RPN1: variants seen among roughly 807,000 people sequenced by gnomAD.
RPN1 encodes the protein dolichyl-diphosphooligosaccharide--protein glycosyltransferase subunit 1.
A neutral mutation model predicts 55.5 loss-of-function variants in RPN1; 12 were observed. The ratio of observed to expected loss-of-function variants is 0.22; its 90% CI spans 0.14 to 0.35. The LOEUF (loss-of-function observed/expected upper bound fraction) is 0.35. RPN1 is among the 10% of genes least tolerant of loss of function. RPN1 has a pLI of 1.00. For synonymous variants in RPN1, 317 were observed against 305.9 expected (o/e 1.04, Z -0.38); for missense variants, 679 against 761.3 (o/e 0.89, Z 1.27).
At chr3:128,639,215 G>C (rs1418496928) in intron 2 of RPN1, among the ~76,000 whole-genome samples, 1 of 152,164 alleles carries the variant, frequency 6.6e-6, no homozygotes, top group Non-Finnish European at 1.5e-5. Flanking sequence ...CACTTTGGGA[G>C]ACCGAGATGG....
Position 128,622,217 on chromosome 3 carries a change from T to C in RPN1, c.1588A>G (p.Ile530Val). ...ETEHKALTSE[I>V]ALLQSRLKTE... ...TTCAGCCTGGACTGCAGCAGTGCAA[T>C]CTCACTGGTCAAGGCCTTGTGTTCA... Residue 530 changes from isoleucine (I) to valine (V), a missense_variant, in exon 9 of 10, where the codon ATT becomes GTT. By Grantham distance (29) the Ile-to-Val change is conservative (BLOSUM62 3). This residue lies in a region of RPN1 where 306 missense variants were observed against 360.0 expected (regional missense o/e 0.85). Coordinates refer to ENST00000296255, the MANE Select transcript of RPN1 (RefSeq NM_002950.4). 6.2e-7 allele frequency: 1 copy of C among 1,614,178 alleles called. No individual in the cohort carries two copies. Among genetic ancestry groups the C allele is most frequent in the Non-Finnish European group, 8.5e-7 (1 of 1,179,978 alleles).
intron 1 of RPN1, among the ~76,000 whole-genome samples, chr3:128,645,831 T>C (rs1027510674): frequency 1.3e-5 from 2 of 151,712 alleles, no homozygotes; most frequent in South Asian, 2.1e-4. Context: ...AAAAAAGAAA[T>C]ACACACATAC....
intron 2 of RPN1, among the ~76,000 whole-genome samples, chr3:128,641,609 CTTTTTT>C (rs200507415): frequency 8.3e-6 from 1 of 120,396 alleles, no homozygotes; most frequent in African/African-American, 3.2e-5. Context: ...TTTAGTGAAT[CTTTTTT>C]TTTTTTTTTT....
At chr3:128,635,655 ATATATATATAGAT>A (rs2069674893) in intron 3 of RPN1, among the ~76,000 whole-genome samples, 1 of 57,230 alleles carries the variant, frequency 1.7e-5, no homozygotes, top group Non-Finnish European at 3.5e-5. Context: ...ATATATATAT[ATATATATATAGAT>A]ATCTATAGAT....
intron 2 of RPN1, among the ~76,000 whole-genome samples, chr3:128,643,101 C>G (rs937941822): frequency 2.0e-5 from 3 of 151,420 alleles, no homozygotes; most frequent in African/African-American, 7.3e-5. Context: ...CCAAGACGGG[C>G]AGATCACCTG....
chr3:128,621,763 A>G (rs1481712471), intron 9 of RPN1, among the ~76,000 whole-genome samples: 1 of 152,234 alleles, frequency 6.6e-6, no homozygotes. Flanking sequence ...ACTGAGGCAC[A>G]GAAGTTAGGT....
chr3:128,650,705 G>C lies in RPN1; in HGVS notation c.96C>G (p.Ile32Met). 1 of 1,568,940 alleles carries C rather than the reference G, an allele frequency of 6.4e-7. No individual in the cohort carries two copies. Among genetic ancestry groups the C allele is most frequent in the South Asian group, 1.2e-5 (1 of 85,572 alleles). The stretch of plus-strand genomic sequence containing the variant: ...CCACTGTGCGCTTCACGTCCTCATT[G>C]ATCAGCGGCGGTGCCTCGGAGGAGG... ...GSASSEAPPL[I>M]NEDVKRTVDL... is the part of the protein sequence containing the mutation. Residue 32 changes from isoleucine to methionine, a missense_variant, in exon 1 of 10, where the codon ATC becomes ATG. Physicochemically the swap from Ile to Met is conservative, Grantham distance 10. Around this residue, in one of 3 missense-constraint regions of RPN1, gnomAD observed 352 missense variants for 352.8 expected, o/e 1.00. Coordinates refer to ENST00000296255, the MANE Select transcript of RPN1 (RefSeq NM_002950.4).
rs1346533314 is a variant in RPN1 at position 128,620,028 on chromosome 3, A to AAC, written c.*382_*383insGT. ...TCACACACGCTTTAAAAAAAAAAAA[A>AAC]AAAACACATGCACTCACACAATACC... On this transcript the variant is annotated 3_prime_UTR_variant, in exon 10 of 10. Transcript: ENST00000296255. The AAC allele has an allele frequency of 4.4e-6, 1 of 225,808 alleles. No individual in the cohort carries two copies. Among genetic ancestry groups the AAC allele is most frequent in the Non-Finnish European group, 8.8e-6 (1 of 113,738 alleles). 14.0% of individuals were successfully genotyped at this position (225,808 alleles called of 1,614,324 possible). A position where few individuals can be genotyped will look rare whatever the true frequency, so the allele number is the denominator to read the frequency against.
rs1464413685 is a variant in RPN1, at chr3:128,650,806, G to A, written c.-6C>T. On this transcript the variant is annotated 5_prime_UTR_variant, in exon 1 of 10. Coordinates refer to ENST00000296255, the MANE Select transcript of RPN1 (RefSeq NM_002950.4). Reference sequence around the variant, plus strand: ...CCGGCGGCTGGCGCCTCCATGACCGGGAAGAGCAGTGCGCCAGGGCGGGTA... The same window carrying A: ...CCGGCGGCTGGCGCCTCCATGACCGAGAAGAGCAGTGCGCCAGGGCGGGTA... The A allele has an allele frequency of 1.3e-6, 2 of 1,518,670 alleles. No individual in the cohort carries two copies. The highest frequency in any genetic ancestry group is 1.8e-6 in the Non-Finnish European group (2 of 1,131,200). 94.1% of individuals were successfully genotyped at this position (1,518,670 alleles called of 1,614,324 possible).
chr3:128,649,960 T>C (rs1315824598), intron 1 of RPN1, among the ~76,000 whole-genome samples: 1 of 152,258 alleles, frequency 6.6e-6, no homozygotes, highest in Non-Finnish European at 1.5e-5. Context: ...AACTTAAAAA[T>C]GCGAAACCTG....
At chr3:128,638,285 G>A (rs985855038) in intron 2 of RPN1, among the ~76,000 whole-genome samples, 180 bp from the exon 3 acceptor site, 1 of 152,100 alleles carries the variant, frequency 6.6e-6, no homozygotes, top group African/African-American at 2.4e-5. Context: ...GCAATGGTGC[G>A]ATCTCGGCTC....
At chr3:128,639,455 GA>G (rs370062932) in intron 2 of RPN1, among the ~76,000 whole-genome samples, 2,158 of 81,736 alleles carry the variant, frequency 0.026, 54 homozygotes, top group African/African-American at 0.088. Context: ...ACCGTCTCAA[GA>G]AAAAAAAAAA....
intron 3 of RPN1, among the ~76,000 whole-genome samples, chr3:128,633,897 C>T (rs187074372): frequency 1.3e-5 from 2 of 152,070 alleles, no homozygotes; most frequent in African/African-American, 4.8e-5. Flanking sequence ...GTAGGAGAAT[C>T]GCTTGAACCC....
intron 9 of RPN1, among the ~76,000 whole-genome samples, chr3:128,621,669 C>T (rs964901905): frequency 1.3e-5 from 2 of 152,174 alleles, no homozygotes; most frequent in African/African-American, 4.8e-5. Flanking sequence ...GGACAGGGTT[C>T]TGAATATTTT....
intron 4 of RPN1, among the ~76,000 whole-genome samples, chr3:128,631,383 C>T (rs1266071114): frequency 2.0e-5 from 3 of 151,234 alleles, no homozygotes; most frequent in Non-Finnish European, 4.4e-5. Flanking sequence ...GAGGCTGAGG[C>T]GGGAGAATTG....
intron 8 of RPN1, among the ~76,000 whole-genome samples, chr3:128,624,746 G>A (rs1325774061): frequency 6.6e-6 from 1 of 151,752 alleles, no homozygotes; most frequent in Non-Finnish European, 1.5e-5. Flanking sequence ...GGCTGAGGCA[G>A]AATCGCTCGA....
At chr3:128,640,700 T>G (rs183752588) in intron 2 of RPN1, among the ~76,000 whole-genome samples, 146 of 152,332 alleles carry the variant, frequency 9.6e-4, no homozygotes, top group Non-Finnish European at 3.4e-4. Flanking sequence ...CATCTTCTGA[T>G]GCCTCACTCT....
At chr3:128,643,513 CT>C (rs2069743688) in intron 2 of RPN1, among the ~76,000 whole-genome samples, 2 of 151,572 alleles carry the variant, frequency 1.3e-5, no homozygotes, top group East Asian at 3.9e-4. Flanking sequence ...AAACACAAAA[CT>C]TGTGGGGCAC....
At chr3:128,648,268 G>A (rs180677563) in intron 1 of RPN1, among the ~76,000 whole-genome samples, 294 of 152,190 alleles carry the variant, frequency 1.9e-3, no homozygotes, top group Non-Finnish European at 3.4e-3. Context: ...GGCAGCACGC[G>A]CCTGTAGTCC....
Sources: gnomAD v4.1 joint callset for allele counts (sites outside exome capture counted in the v4.1 genomes callset) on GRCh38, gnomAD v4.1.1 for gene constraint, gnomAD v4.1.1 regional missense constraint, MANE v1.5 for transcripts, NCBI Gene and HGNC (gene_info 2026-07-23, HGNC 2026-07-21) for gene names.